Variants in PIK3R1 observed in about 807,000 individuals in gnomAD.
PIK3R1 encodes phosphoinositide-3-kinase regulatory subunit 1.
A neutral mutation model predicts 98.0 loss-of-function variants in PIK3R1; 29 were observed. That is an observed-to-expected ratio of 0.30 (90% CI 0.22 to 0.40). The LOEUF is 0.40. Ranked by LOEUF, PIK3R1 falls within the 10% of genes least tolerant of loss-of-function variation. PIK3R1 has a pLI of 1.00. For synonymous variants in PIK3R1, 282 were observed against 311.8 expected (o/e 0.90, Z 1.01); for missense variants, 596 against 872.7 (o/e 0.68, Z 3.99).
intron 2 of PIK3R1, among the ~76,000 whole-genome samples, chr5:68,235,441 TAAA>T (rs1744631101): frequency 1.3e-5 from 2 of 151,042 alleles, no homozygotes; most frequent in South Asian, 2.1e-4. Context: ...AATAAATAAA[TAAA>T]TAATTTTCAA....
chr5:68,264,149 T>C (rs1471705720), intron 2 of PIK3R1, among the ~76,000 whole-genome samples: 3 of 152,234 alleles, frequency 2.0e-5, no homozygotes, highest in Non-Finnish European at 4.4e-5. Flanking sequence ...TAATAAATGC[T>C]GTCTTGAAAA....
In PIK3R1 at chr5:68,262,792, TATAC is replaced by T. The variant is rs374324079; in HGVS notation, c.335-10597_335-10594del. 8.9e-3 allele frequency among the ~76,000 whole-genome samples: 43 copies of T among 4,816 alleles called. 5 individuals carry two copies. The highest frequency in any genetic ancestry group is 0.048 in the African/African-American group (15 of 314). The allele number at this position is 4,816 out of a possible 152,430, so 3.2% of individuals were successfully genotyped here. The stretch of plus-strand genomic sequence containing the variant: ...ACATGTAGATGCATGTAGATACATG[TATAC>T]GTAGATACATGTATACATGTAGATA... On this transcript the variant is annotated intron_variant, in intron 2 of 15. Transcript: ENST00000521381.
chr5:68,279,806 T>C (rs745593816), intron 5 of PIK3R1, 73 bp downstream of exon 5: 143 of 1,434,962 alleles, frequency 1.0e-4, no homozygotes, highest in Non-Finnish European at 1.3e-4. Flanking sequence ...ATGTCTTGCA[T>C]ATATAGAAAT....
At chr5:68,277,394 T>G (rs1488717633) in intron 4 of PIK3R1, among the ~76,000 whole-genome samples, 1 of 152,240 alleles carries the variant, frequency 6.6e-6, no homozygotes, top group Non-Finnish European at 1.5e-5. Context: ...TGGTTGGTTG[T>G]TTGTAGGACA....
intron 2 of PIK3R1, among the ~76,000 whole-genome samples, chr5:68,268,663 T>C (rs1265517527): frequency 6.6e-6 from 1 of 152,222 alleles, no homozygotes; most frequent in East Asian, 1.9e-4. Flanking sequence ...TCCAAACTGC[T>C]TCCATCAGTA....
chr5:68,262,796 C>CAT (rs150097762), intron 2 of PIK3R1, among the ~76,000 whole-genome samples: 1 of 18,526 alleles, frequency 5.4e-5, no homozygotes, highest in East Asian at 1.3e-3. Flanking sequence ...TACATGTATA[C>CAT]GTAGATACAT....
chr5:68,258,537 T>C (rs1220296085), intron 2 of PIK3R1, among the ~76,000 whole-genome samples: 1 of 152,190 alleles, frequency 6.6e-6, no homozygotes, highest in Admixed American at 6.5e-5. Flanking sequence ...TAAATGAAAT[T>C]ATTGCAGCTC....
chr5:68,278,753 A>G (rs1359884244), intron 4 of PIK3R1, among the ~76,000 whole-genome samples: 1 of 152,088 alleles, frequency 6.6e-6, no homozygotes, highest in Non-Finnish European at 1.5e-5. Context: ...CAGCCTGACC[A>G]ACATGATGAA....
intron 1 of PIK3R1, among the ~76,000 whole-genome samples, chr5:68,223,157 AT>A (rs1250825000): frequency 3.4e-5 from 5 of 149,122 alleles, no homozygotes; most frequent in Non-Finnish European, 7.4e-5. Flanking sequence ...CATCATCATC[AT>A]CATCATCATC....
chr5:68,256,910 G>A (rs189542581), intron 2 of PIK3R1, among the ~76,000 whole-genome samples: 15 of 152,246 alleles, frequency 9.9e-5, no homozygotes, highest in African/African-American at 3.4e-4. Flanking sequence ...GGCAAGTGGC[G>A]GGGATGCAGT....
Position 68,299,219 on chromosome 5 carries a change from A to AT in PIK3R1, c.*1622dup, listed in dbSNP as rs755521787. The AT allele has an allele frequency of 3.1e-4, 72 of 233,198 alleles. No homozygotes were observed. Among genetic ancestry groups the AT allele is most frequent in the Admixed American group, 4.5e-4 (8 of 17,740 alleles). 14.4% of individuals were successfully genotyped at this position (233,198 alleles called of 1,614,324 possible). ...TATCCATCATGACCAGCAAATACTC[A>AT]TTTTAGGAAAAAAAAAAGCATGATC... On this transcript the variant is annotated 3_prime_UTR_variant, in exon 16 of 16. Transcript: ENST00000521381.
intron 15 of PIK3R1, 24 bp from the exon 16 acceptor site, chr5:68,297,388 C>A: frequency 6.3e-7 from 1 of 1,584,848 alleles, no homozygotes; most frequent in Non-Finnish European, 8.6e-7. Context: ...GCTCAAAAGA[C>A]AGTTTTTCTT....
intron 7 of PIK3R1, among the ~76,000 whole-genome samples, chr5:68,287,220 C>T (rs1251988476): frequency 6.6e-6 from 1 of 152,118 alleles, no homozygotes; most frequent in African/African-American, 2.4e-5. Context: ...TTTAAGCAAG[C>T]TAAAAATAGA....
At chr5:68,292,557 C>T (rs562029374) in intron 8 of PIK3R1, 196 bp downstream of exon 8, 25 of 1,504,430 alleles carry the variant, frequency 1.7e-5, no homozygotes, top group African/African-American at 1.5e-4. Context: ...ATTAAATACC[C>T]GGGAAGTTTC....
At chr5:68,292,757 GT>G in intron 8 of PIK3R1, 1 of 1,270,984 alleles carries the variant, frequency 7.9e-7, no homozygotes, top group Non-Finnish European at 1.0e-6. Context: ...GAGATCATGA[GT>G]TTCTGTGCTC....
At chr5:68,267,943 A>C (rs1158385197) in intron 2 of PIK3R1, among the ~76,000 whole-genome samples, 9 of 152,258 alleles carry the variant, frequency 5.9e-5, no homozygotes, top group East Asian at 5.8e-4. Flanking sequence ...TAAGTATGAT[A>C]ATTTCTGGTC....
intron 2 of PIK3R1, among the ~76,000 whole-genome samples, chr5:68,233,646 G>A (rs114287393): frequency 4.9e-4 from 75 of 152,196 alleles, no homozygotes; most frequent in African/African-American, 1.7e-3. Context: ...CAAACAGTAC[G>A]TGGAATTGTA....
chr5:68,272,192 G>T (rs1022405386), intron 2 of PIK3R1, among the ~76,000 whole-genome samples: 1 of 150,090 alleles, frequency 6.7e-6, no homozygotes, highest in South Asian at 2.1e-4. Context: ...AGTTGAGGCT[G>T]CAGCGAGCCA....
At chr5:68,262,766 T>C (rs1389970604) in intron 2 of PIK3R1, among the ~76,000 whole-genome samples, 1 of 132,314 alleles carries the variant, frequency 7.6e-6, no homozygotes, top group Non-Finnish European at 1.6e-5. Context: ...TATACATATA[T>C]ACATGTAGAT....
Sources: gnomAD v4.1 joint callset for allele counts (sites outside exome capture counted in the v4.1 genomes callset) on GRCh38, gnomAD v4.1.1 for gene constraint, MANE v1.5 for transcripts, NCBI Gene and HGNC (gene_info 2026-07-23, HGNC 2026-07-21) for gene names.